Variants in CD109 observed in about 807,000 individuals in gnomAD.
The protein encoded by CD109 is CD109 antigen.
A neutral mutation model predicts 165.8 loss-of-function variants in CD109; 149 were observed. That is an observed-to-expected ratio of 0.90 (90% confidence interval 0.79 to 1.03). The LOEUF is 1.03. Ranked by LOEUF, CD109 falls within the 50% of genes least tolerant of loss-of-function variation. CD109 has a pLI of 0.00. For missense variants in CD109, 1,712 were observed against 1,677.8 expected (o/e 1.02, Z -0.36); for synonymous variants, 585 against 592.1 (o/e 0.99, Z 0.18).
chr6:73,780,501 A>T lies in CD109; in HGVS notation c.1902+3A>T. ...TGAATTCTTTTGCAGTCTTTCAGGT[A>T]TGTTTTGCTTGCTATATTGAAAAGA... On this transcript the variant is annotated splice_donor_region_variant and intron_variant, in intron 16 of 32. Coordinates refer to ENST00000287097, the MANE Select transcript of CD109 (RefSeq NM_133493.5). 1 of 1,584,426 alleles carries T rather than the reference A, an allele frequency of 6.3e-7. No individual in the cohort carries two copies. Among genetic ancestry groups the T allele is most frequent in the African/African-American group, 1.3e-5 (1 of 74,368 alleles).
At chr6:73,780,716 T>C in intron 16 of CD109, among the ~76,000 whole-genome samples, 1 of 142,872 alleles carries the variant, frequency 7.0e-6, no homozygotes, top group Non-Finnish European at 1.5e-5. Context: ...GAATTGACAT[T>C]AAACAAATAA....
chr6:73,769,157 C>T (rs12197682), intron 14 of CD109, among the ~76,000 whole-genome samples: 43,275 of 151,996 alleles, frequency 0.28, 6,337 homozygotes, highest in Admixed American at 0.34. Context: ...CTCAAGGTGC[C>T]GGGATTACAG....
intron 7 of CD109, among the ~76,000 whole-genome samples, chr6:73,761,828 C>A (rs1173284026): frequency 6.6e-6 from 1 of 151,284 alleles, no homozygotes; most frequent in Admixed American, 6.6e-5. Flanking sequence ...TCCAGGATCA[C>A]CGTTTATTAA....
intron 13 of CD109, among the ~76,000 whole-genome samples, chr6:73,767,786 A>G (rs1773902939): frequency 1.3e-5 from 2 of 152,300 alleles, no homozygotes; most frequent in African/African-American, 4.8e-5. Flanking sequence ...AGCTTTCCCA[A>G]TGGTGCCCTG....
intron 10 of CD109, among the ~76,000 whole-genome samples, chr6:73,764,009 A>G (rs1031285869): frequency 2.6e-5 from 4 of 152,298 alleles, no homozygotes; most frequent in Non-Finnish European, 4.4e-5. Context: ...TTCAATTTCA[A>G]TTTGGTTTTT....
intron 19 of CD109, among the ~76,000 whole-genome samples, chr6:73,784,108 A>G (rs1475481867): frequency 6.6e-6 from 1 of 152,098 alleles, no homozygotes; most frequent in Non-Finnish European, 1.5e-5. Flanking sequence ...AGAAAGAAAA[A>G]GAGAGAGAGA....
intron 1 of CD109, 26 bp downstream of exon 1, chr6:73,696,315 G>C: frequency 7.2e-7 from 1 of 1,386,960 alleles, no homozygotes; most frequent in Non-Finnish European, 9.4e-7. Flanking sequence ...CGCGGGGGGC[G>C]CGCGGGCGCG....
chr6:73,778,957 T>C (rs1212178183), intron 15 of CD109, among the ~76,000 whole-genome samples: 3 of 152,172 alleles, frequency 2.0e-5, no homozygotes, highest in Admixed American at 6.5e-5. Context: ...TTTTTACCAT[T>C]TTAAGTGTTT....
intron 5 of CD109, 117 bp from the exon 6 acceptor site, chr6:73,756,526 A>G (rs1474951935): frequency 2.9e-6 from 2 of 679,428 alleles, no homozygotes; most frequent in East Asian, 6.8e-5. Flanking sequence ...TCATTGCATC[A>G]TTATAAATGT....
Position 73,818,456 on chromosome 6 carries a change from C to G in CD109, c.3980C>G (p.Pro1327Arg), listed in dbSNP as rs765315736. 36 of 1,613,582 alleles carry G rather than the reference C, an allele frequency of 2.2e-5. No homozygotes were observed. The South Asian group carries it at 3.7e-4, about 17-fold the overall frequency. ...EVNLLSGFMV[P>R]SEAISLSETV... ...AACCTATTAAGTGGCTTTATGGTGC[C>G]TTCAGAAGCAATTTCTCTGAGCGAG... The change falls in exon 31 of 33, where the codon CCT becomes CGT. Residue 1327 changes from proline (P) to arginine (R), a missense_variant. Transcript: ENST00000287097.
At chr6:73,761,594 C>G (rs1006553141) in intron 7 of CD109, among the ~76,000 whole-genome samples, 5 of 152,162 alleles carry the variant, frequency 3.3e-5, no homozygotes, top group Non-Finnish European at 5.9e-5. Flanking sequence ...ACGATCTTGG[C>G]TCACTGCAGC....
chr6:73,696,179 C>A, upstream of CD109: 2 of 1,538,722 alleles, frequency 1.3e-6, no homozygotes, highest in South Asian at 1.2e-5. Flanking sequence ...GCGAACTTCC[C>A]CGGCAGCGGA....
chr6:73,691,449 T>A (rs1770687928), upstream of CD109, among the ~76,000 whole-genome samples: 1 of 152,234 alleles, frequency 6.6e-6, no homozygotes, highest in Admixed American at 6.5e-5. Context: ...GTTCACTTTG[T>A]GGGTTCAGGG....
chr6:73,822,072 T>G (rs1776126933), intron 32 of CD109, among the ~76,000 whole-genome samples: 1 of 152,168 alleles, frequency 6.6e-6, no homozygotes, highest in Non-Finnish European at 1.5e-5. Context: ...AACTTGAGCT[T>G]CTTTGATTTT....
At chr6:73,745,278 T>G (rs1030846216) in intron 5 of CD109, among the ~76,000 whole-genome samples, 2 of 152,066 alleles carry the variant, frequency 1.3e-5, no homozygotes, top group Non-Finnish European at 2.9e-5. Context: ...CTAATTTTTG[T>G]ATTTTTAGTA....
intron 5 of CD109, among the ~76,000 whole-genome samples, chr6:73,743,862 A>C (rs1051093220): frequency 2.6e-5 from 4 of 152,228 alleles, no homozygotes; most frequent in Non-Finnish European, 5.9e-5. Context: ...AAGGATCTCA[A>C]ACTCTTACTT....
At chr6:73,706,709 A>T (rs1771279334) in intron 2 of CD109, among the ~76,000 whole-genome samples, 1 of 152,182 alleles carries the variant, frequency 6.6e-6, no homozygotes, top group African/African-American at 2.4e-5. Context: ...ACAGGTCTAT[A>T]GGTTGTTAGT....
At chr6:73,814,480 G>A (rs1775862328) in intron 29 of CD109, among the ~76,000 whole-genome samples, 1 of 152,078 alleles carries the variant, frequency 6.6e-6, no homozygotes, top group African/African-American at 2.4e-5. Flanking sequence ...TGACTTGAAA[G>A]CTATCATTTA....
intron 17 of CD109, 122 bp from the exon 18 acceptor site, chr6:73,782,492 C>T (rs1774543637): frequency 2.3e-6 from 2 of 885,384 alleles, no homozygotes; most frequent in African/African-American, 3.3e-5. Context: ...GAACCTGATA[C>T]TCTCACTGGC....
Sources: allele counts gnomAD v4.1 joint callset (sites outside exome capture counted in the v4.1 genomes callset), GRCh38; gene constraint gnomAD v4.1.1; transcripts MANE v1.5; gene names NCBI Gene and HGNC (gene_info 2026-07-23, HGNC 2026-07-21).